SH3BGRL: variants seen among roughly 807,000 people sequenced by gnomAD.
The protein encoded by SH3BGRL is SH3 domain binding glutamate rich protein like.
SH3BGRL carries 7 observed loss-of-function variants against 9.8 expected under a neutral mutation model. The ratio of observed to expected loss-of-function variants is 0.72; its 90% CI spans 0.41 to 1.35. The LOEUF is 1.35. SH3BGRL is among the 40% of genes most tolerant of loss of function. SH3BGRL has a pLI of 0.01. For missense variants in SH3BGRL, 73 were observed against 84.4 expected, an observed-to-expected ratio of 0.86 and a Z score of 0.53; for synonymous variants, 36 against 29.1, an observed-to-expected ratio of 1.24 and a Z score of -0.76.
intron 1 of SH3BGRL, among the ~76,000 whole-genome samples, chrX:81,238,424 G>A (rs992397271): frequency 4.4e-5 from 5 of 112,420 alleles, no homozygotes; most frequent in African/African-American, 1.6e-4. Context: ...AAAGTGGAGT[G>A]AACAGTAGAA....
intron 1 of SH3BGRL, among the ~76,000 whole-genome samples, chrX:81,219,847 A>G (rs1468258492): frequency 9.0e-6 from 1 of 111,513 alleles, no homozygotes; most frequent in Non-Finnish European, 1.9e-5. Flanking sequence ...AATTTTATCA[A>G]ATGCTTTTTT....
chrX:81,262,891 C>T (rs1255501288), intron 1 of SH3BGRL, among the ~76,000 whole-genome samples: 1 of 111,695 alleles, frequency 9.0e-6, no homozygotes, highest in Non-Finnish European at 1.9e-5. Context: ...TACTTTGTGT[C>T]CAGCCCTGTG....
At chrX:81,222,346 C>T (rs1323009576) in intron 1 of SH3BGRL, among the ~76,000 whole-genome samples, 1 of 88,079 alleles carries the variant, frequency 1.1e-5, no homozygotes, top group African/African-American at 4.2e-5. Context: ...CAACAGGCCC[C>T]GGTGTGTGAT....
intron 1 of SH3BGRL, among the ~76,000 whole-genome samples, chrX:81,241,715 G>C (rs1049530159): frequency 2.7e-5 from 3 of 111,935 alleles, no homozygotes; most frequent in Non-Finnish European, 5.6e-5. Flanking sequence ...CCAGACTTAG[G>C]GGGTCCCCGA....
chrX:81,231,509 C>T (rs1012203389), intron 1 of SH3BGRL, among the ~76,000 whole-genome samples: 2 of 112,000 alleles, frequency 1.8e-5, no homozygotes, highest in African/African-American at 3.2e-5. Context: ...AAATCAATTC[C>T]GTCTGAACCT....
intron 3 of SH3BGRL, among the ~76,000 whole-genome samples, chrX:81,291,944 C>A (rs2075859269): frequency 8.9e-6 from 1 of 112,282 alleles, no homozygotes; most frequent in African/African-American, 3.2e-5. Context: ...CCTTGGGCAA[C>A]TCTGATCCTG....
At chrX:81,206,694 CA>C (rs760701877) in intron 1 of SH3BGRL, among the ~76,000 whole-genome samples, 1 of 111,490 alleles carries the variant, frequency 9.0e-6, no homozygotes, top group Non-Finnish European at 1.9e-5. Flanking sequence ...GAGAAATGGG[CA>C]GCTAGTGTGT....
At chrX:81,286,290 T>C (rs952179620) in intron 3 of SH3BGRL, among the ~76,000 whole-genome samples, 2 of 110,604 alleles carry the variant, frequency 1.8e-5, no homozygotes, top group Non-Finnish European at 3.8e-5. Flanking sequence ...TGTTCACTTA[T>C]GTTGAAAGAA....
At chrX:81,244,716 C>T (rs1183956922) in intron 1 of SH3BGRL, among the ~76,000 whole-genome samples, 3 of 111,031 alleles carry the variant, frequency 2.7e-5, no homozygotes, top group African/African-American at 6.6e-5. Flanking sequence ...TTGTTACATA[C>T]GTATACATGT....
chrX:81,227,263 T>C (rs1475077268), intron 1 of SH3BGRL, among the ~76,000 whole-genome samples: 1 of 112,632 alleles, frequency 8.9e-6, no homozygotes, highest in Non-Finnish European at 1.9e-5. Context: ...AATCACTTTA[T>C]GGATTTGAAA....
chrX:81,206,934 A>T, intron 1 of SH3BGRL, among the ~76,000 whole-genome samples: 1 of 112,598 alleles, frequency 8.9e-6, no homozygotes, highest in East Asian at 2.8e-4. Context: ...GCCTGTTCAG[A>T]ATTGTTTATA....
At chrX:81,281,094 C>A (rs1260509370) in intron 3 of SH3BGRL, among the ~76,000 whole-genome samples, 1 of 110,663 alleles carries the variant, frequency 9.0e-6, no homozygotes, top group African/African-American at 3.3e-5. Context: ...AAGACAAGGT[C>A]TTTGAATTAA....
intron 1 of SH3BGRL, among the ~76,000 whole-genome samples, chrX:81,227,194 G>A (rs1413410847): frequency 8.9e-6 from 1 of 111,907 alleles, no homozygotes; most frequent in Non-Finnish European, 1.9e-5. Flanking sequence ...TCAAAAATCA[G>A]TTACTGAGTC....
intron 3 of SH3BGRL, among the ~76,000 whole-genome samples, chrX:81,285,196 A>G (rs745425688): frequency 8.9e-6 from 1 of 111,832 alleles, no homozygotes; most frequent in Non-Finnish European, 1.9e-5. Context: ...AAAGAACCAG[A>G]TGAACAGAAA....
intron 1 of SH3BGRL, among the ~76,000 whole-genome samples, chrX:81,270,583 A>T (rs1025547706): frequency 2.7e-5 from 3 of 111,717 alleles, no homozygotes; most frequent in Non-Finnish European, 5.6e-5. Flanking sequence ...TTGCTGCCAG[A>T]TCCTTACTCT....
chrX:81,264,815 G>C (rs1230870881), intron 1 of SH3BGRL, among the ~76,000 whole-genome samples: 1 of 110,142 alleles, frequency 9.1e-6, no homozygotes, highest in Non-Finnish European at 1.9e-5. Flanking sequence ...TACTCTCAGT[G>C]CTCCTTATTT....
chrX:81,213,129 A>G (rs2075570738), intron 1 of SH3BGRL, among the ~76,000 whole-genome samples: 1 of 112,376 alleles, frequency 8.9e-6, no homozygotes, highest in Non-Finnish European at 1.9e-5. Context: ...CTTGTGCAAC[A>G]GCTCATGTAA....
intron 1 of SH3BGRL, among the ~76,000 whole-genome samples, chrX:81,274,278 AGT>A (rs1250791877): frequency 1.8e-5 from 2 of 111,240 alleles, no homozygotes; most frequent in East Asian, 2.8e-4. Flanking sequence ...CTCCCTTATA[AGT>A]GTGTGTTATA....
chrX:81,255,999 A>G (rs1344608455), intron 1 of SH3BGRL, among the ~76,000 whole-genome samples: 1 of 112,098 alleles, frequency 8.9e-6, no homozygotes, highest in Non-Finnish European at 1.9e-5. Flanking sequence ...GTGTGTTTCT[A>G]TGGGTATTAT....
Sources: gnomAD v4.1 joint callset for allele counts (sites outside exome capture counted in the v4.1 genomes callset) on GRCh38, gnomAD v4.1.1 for gene constraint, MANE v1.5 for transcripts, NCBI Gene and HGNC (gene_info 2026-07-23, HGNC 2026-07-21) for gene names.